The following DLG2 variants were observed in gnomAD, a reference collection of about 807,000 sequenced individuals.
DLG2 encodes the protein discs large MAGUK scaffold protein 2, also known as disks large homolog 2.
Under a neutral mutation model 132.5 loss-of-function variants are expected in DLG2, and 45 were observed. That is an observed-to-expected ratio of 0.34 (90% confidence interval 0.27 to 0.44). The LOEUF (loss-of-function observed/expected upper bound fraction) is 0.44. DLG2 is among the 20% of genes least tolerant of loss of function. The pLI, the probability that DLG2 is intolerant of heterozygous loss-of-function variation, is 1.00. For missense variants in DLG2, 1,045 were observed against 1,196.9 expected (o/e 0.87, Z 1.87); for synonymous variants, 424 against 419.6 (o/e 1.01, Z -0.13).
At chr11:84,757,952 A>G (rs1282841680) in intron 6 of DLG2, among the ~76,000 whole-genome samples, 2 of 152,204 alleles carry the variant, frequency 1.3e-5, no homozygotes, top group African/African-American at 4.8e-5. Flanking sequence ...TAGCCTAACC[A>G]GCAGAAGTCA....
intron 7 of DLG2, among the ~76,000 whole-genome samples, chr11:84,369,661 C>T (rs1354926917): frequency 6.6e-6 from 1 of 152,086 alleles, no homozygotes; most frequent in Admixed American, 6.6e-5. Flanking sequence ...ATGCCACAGA[C>T]ATGGTTGGAG....
At chr11:84,541,215 A>AAT (rs1422484382) in intron 6 of DLG2, among the ~76,000 whole-genome samples, 1 of 151,260 alleles carries the variant, frequency 6.6e-6, no homozygotes, top group African/African-American at 2.4e-5. Context: ...TAATAATAAT[A>AAT]AAGAAACTTT....
At chr11:84,002,628 G>A (rs1009058710) in intron 11 of DLG2, among the ~76,000 whole-genome samples, 15 of 152,240 alleles carry the variant, frequency 9.9e-5, no homozygotes, top group Admixed American at 9.2e-4. Context: ...ACTCATGGCT[G>A]GAATGCAGGG....
chr11:84,783,177 A>G (rs2072139206), intron 6 of DLG2, among the ~76,000 whole-genome samples: 1 of 152,206 alleles, frequency 6.6e-6, no homozygotes, highest in Admixed American at 6.6e-5. Context: ...TTTACTACTA[A>G]GAGGAAGCTT....
At chr11:85,084,237 G>A (rs1238604821) in intron 6 of DLG2, among the ~76,000 whole-genome samples, 3 of 152,144 alleles carry the variant, frequency 2.0e-5, no homozygotes, top group Non-Finnish European at 4.4e-5. Context: ...AATTTCTGGA[G>A]CAATGTTCTT....
At chr11:84,814,932 G>C (rs1265334232) in intron 6 of DLG2, among the ~76,000 whole-genome samples, 3 of 152,096 alleles carry the variant, frequency 2.0e-5, no homozygotes. Flanking sequence ...TTAACATATA[G>C]ATGCTTTGCC....
rs868440861 is a variant in DLG2, at chr11:84,760,794, T to C, written c.358-226063A>G. Among the ~76,000 whole-genome samples the C allele has an allele frequency of 2.0e-5, 3 of 152,120 alleles. No homozygotes were observed. In the South Asian group the frequency reaches 6.2e-4, roughly 32 times the overall value. On this transcript the variant is annotated intron_variant, in intron 6 of 27. Coordinates refer to ENST00000376104, the MANE Select transcript of DLG2 (RefSeq NM_001142699.3). Reference sequence around the variant, plus strand: ...GTTCCCCAGCAAAGGTGGAATGATGTGGTAGAGAAAGAGAGGAGGGATGTC... The same window carrying C: ...GTTCCCCAGCAAAGGTGGAATGATGCGGTAGAGAAAGAGAGGAGGGATGTC...
intron 19 of DLG2, among the ~76,000 whole-genome samples, chr11:83,577,838 A>G (rs1442578134): frequency 4.0e-5 from 5 of 126,524 alleles, no homozygotes; most frequent in Non-Finnish European, 7.9e-5. Context: ...AATATATATT[A>G]TATAATTATA....
chr11:83,582,059 C>T (rs555893678), intron 19 of DLG2, among the ~76,000 whole-genome samples: 21 of 139,288 alleles, frequency 1.5e-4, no homozygotes, highest in African/African-American at 4.5e-4. Flanking sequence ...CAGATTCAAG[C>T]GATTCTCCTG....
chr11:84,031,539 C>T (rs2095691660), intron 11 of DLG2, among the ~76,000 whole-genome samples: 1 of 152,102 alleles, frequency 6.6e-6, no homozygotes, highest in Non-Finnish European at 1.5e-5. Flanking sequence ...AAGTTGGTTT[C>T]TGCTTTTACC....
At chr11:84,712,294 T>C (rs992705462) in intron 6 of DLG2, among the ~76,000 whole-genome samples, 1 of 152,006 alleles carries the variant, frequency 6.6e-6, no homozygotes. Flanking sequence ...CGTTTTTCTC[T>C]CAAATTTTCT....
intron 6 of DLG2, among the ~76,000 whole-genome samples, chr11:85,042,191 C>T (rs771011516): frequency 3.9e-5 from 6 of 151,906 alleles, no homozygotes; most frequent in South Asian, 4.2e-4. Context: ...AGGTTTGAAG[C>T]GCAAAAGAGA....
At chr11:85,238,293 G>C (rs147199637) in intron 4 of DLG2, among the ~76,000 whole-genome samples, 3,451 of 149,734 alleles carry the variant, frequency 0.023, 65 homozygotes, top group Admixed American at 0.038. Flanking sequence ...GCCCAGGCTG[G>C]AATGCAGAGG....
chr11:84,481,013 A>G (rs1327165054), intron 7 of DLG2, among the ~76,000 whole-genome samples: 1 of 151,968 alleles, frequency 6.6e-6, no homozygotes, highest in African/African-American at 2.4e-5. Context: ...TGCTGGGATT[A>G]CAGGTGTGAG....
chr11:83,837,812 C>T (rs545293901), intron 16 of DLG2, among the ~76,000 whole-genome samples: 1 of 151,010 alleles, frequency 6.6e-6, no homozygotes, highest in East Asian at 1.9e-4. Flanking sequence ...AGTTTGTTGC[C>T]TCCTTTCCAA....
At chr11:84,329,929 C>G (rs889239868) in intron 7 of DLG2, among the ~76,000 whole-genome samples, 1 of 152,170 alleles carries the variant, frequency 6.6e-6, no homozygotes, top group Non-Finnish European at 1.5e-5. Flanking sequence ...CAAACCAACT[C>G]TGACCATTAT....
At chr11:85,409,515 A>G (rs1477009087) in intron 3 of DLG2, among the ~76,000 whole-genome samples, 1 of 151,950 alleles carries the variant, frequency 6.6e-6, no homozygotes, top group Non-Finnish European at 1.5e-5. Flanking sequence ...GGAGAAAAAA[A>G]TGGATACAGA....
chr11:84,126,473 T>C (rs2094178211), intron 9 of DLG2, among the ~76,000 whole-genome samples: 1 of 152,126 alleles, frequency 6.6e-6, no homozygotes, highest in South Asian at 2.1e-4. Context: ...TAACTACTTG[T>C]ATGCATTGGA....
intron 7 of DLG2, among the ~76,000 whole-genome samples, chr11:84,494,650 C>A (rs1038241505): frequency 2.0e-5 from 3 of 152,026 alleles, no homozygotes; most frequent in Non-Finnish European, 4.4e-5. Flanking sequence ...GGAAAGAGGA[C>A]CAGAGGAAAG....
Sources: allele counts gnomAD v4.1 joint callset (sites outside exome capture counted in the v4.1 genomes callset), GRCh38; gene constraint gnomAD v4.1.1; transcripts MANE v1.5; gene names NCBI Gene and HGNC (gene_info 2026-07-23, HGNC 2026-07-21).